The following PDE11A variants were observed in gnomAD, a reference collection of about 807,000 sequenced individuals.
PDE11A encodes the protein dual 3',5'-cyclic-AMP and -GMP phosphodiesterase 11A.
A neutral mutation model predicts 100.5 loss-of-function variants in PDE11A; 100 were observed. That is an observed-to-expected ratio of 1.00 (90% CI 0.85 to 1.18). The LOEUF (loss-of-function observed/expected upper bound fraction) is 1.18. Ranked by LOEUF, PDE11A falls within the 50% of genes most tolerant of loss-of-function variation. PDE11A has a pLI of 0.00. For missense variants in PDE11A, 1,141 were observed against 1,152.6 expected, an observed-to-expected ratio of 0.99 and a Z score of 0.15; for synonymous variants, 381 against 420.8, an observed-to-expected ratio of 0.91 and a Z score of 1.16.
At chr2:178,106,091 T>A (rs1221702026) in intron 1 of PDE11A, among the ~76,000 whole-genome samples, 1 of 152,228 alleles carries the variant, frequency 6.6e-6, no homozygotes, top group East Asian at 1.9e-4. Context: ...ATTCTGCCAA[T>A]ATTGAAGAAA....
intron 5 of PDE11A, among the ~76,000 whole-genome samples, chr2:177,847,990 TTG>T (rs749800668): frequency 1.9e-4 from 28 of 147,558 alleles, no homozygotes; most frequent in East Asian, 1.9e-4. Context: ...AATGGTGTGT[TTG>T]TGTGTGTGTG....
intron 2 of PDE11A, among the ~76,000 whole-genome samples, chr2:177,932,910 T>C (rs2085225712): frequency 6.6e-6 from 1 of 152,034 alleles, no homozygotes; most frequent in Non-Finnish European, 1.5e-5. Flanking sequence ...ATTCTATACT[T>C]AGACAATCCT....
chr2:178,095,122 T>A (rs1371074856), intron 2 of PDE11A, among the ~76,000 whole-genome samples: 1 of 151,874 alleles, frequency 6.6e-6, no homozygotes, highest in African/African-American at 2.4e-5. Context: ...TCCCCCAAAG[T>A]CTCAACTCAT....
At chr2:177,666,468 T>A (rs1011414316) in intron 18 of PDE11A, among the ~76,000 whole-genome samples, 5 of 152,228 alleles carry the variant, frequency 3.3e-5, no homozygotes, top group Non-Finnish European at 7.3e-5. Context: ...TTTGAGGAAT[T>A]GACAAACTGT....
intron 15 of PDE11A, among the ~76,000 whole-genome samples, chr2:177,681,137 T>C (rs2080856158): frequency 6.6e-6 from 1 of 152,154 alleles, no homozygotes; most frequent in Admixed American, 6.5e-5. Context: ...ACAGAGGAGA[T>C]TATAGAGCCA....
At chr2:177,933,518 TA>T (rs1239812272) in intron 2 of PDE11A, among the ~76,000 whole-genome samples, 1 of 151,882 alleles carries the variant, frequency 6.6e-6, no homozygotes, top group East Asian at 1.9e-4. Flanking sequence ...CCATCTCTAC[TA>T]AAAATACAAA....
intron 19 of PDE11A, among the ~76,000 whole-genome samples, chr2:177,637,976 CGTGT>C (rs2080071621): frequency 2.5e-5 from 2 of 79,822 alleles, no homozygotes; most frequent in East Asian, 7.3e-4. Context: ...TATATATACA[CGTGT>C]ATATATATAT....
intron 10 of PDE11A, among the ~76,000 whole-genome samples, chr2:177,738,690 C>T (rs974739166): frequency 6.6e-6 from 1 of 152,210 alleles, no homozygotes; most frequent in African/African-American, 2.4e-5. Context: ...ACCCTCCCTG[C>T]TGCAGCCTCA....
chr2:177,941,716 T>C (rs534863817), intron 2 of PDE11A, among the ~76,000 whole-genome samples: 2 of 152,142 alleles, frequency 1.3e-5, no homozygotes, highest in Non-Finnish European at 2.9e-5. Flanking sequence ...GGATTGGAGA[T>C]AGGGAAAAGT....
rs1202621664 is a variant in PDE11A, at chr2:178,096,712, A to G, written c.162+7590T>C. Reference sequence around the variant, plus strand: ...CTGATAAGTTCCTCATTTTCATCTGAGACCACCTCAGCCTGAACTTCATTG... The same window carrying G: ...CTGATAAGTTCCTCATTTTCATCTGGGACCACCTCAGCCTGAACTTCATTG... On this transcript the variant is annotated intron_variant, in intron 2 of 20. Transcript: ENST00000358450. Among the ~76,000 whole-genome samples, 2 of 152,176 alleles carry G rather than the reference A, an allele frequency of 1.3e-5. 1 individual carries two copies. The highest frequency in any genetic ancestry group is 2.9e-5 in the Non-Finnish European group (2 of 68,024).
chr2:178,102,905 A>T (rs1370359153), intron 2 of PDE11A, among the ~76,000 whole-genome samples: 2 of 152,182 alleles, frequency 1.3e-5, no homozygotes, highest in Admixed American at 1.3e-4. Flanking sequence ...TTAATCCAAT[A>T]TGATTGGTGT....
intron 10 of PDE11A, among the ~76,000 whole-genome samples, chr2:177,731,030 T>G (rs911813072): frequency 2.6e-5 from 4 of 152,224 alleles, no homozygotes; most frequent in Non-Finnish European, 4.4e-5. Context: ...AGTAGAATCA[T>G]GCAATATTCG....
intron 2 of PDE11A, among the ~76,000 whole-genome samples, chr2:177,941,842 C>T (rs2085349724): frequency 6.6e-6 from 1 of 152,172 alleles, no homozygotes; most frequent in East Asian, 1.9e-4. Context: ...GGCAGAAGCC[C>T]TGGATAACTT....
In PDE11A at chr2:177,763,062, C is replaced by A. The variant is rs180743436; in HGVS notation, c.1788+6261G>T. Among the ~76,000 whole-genome samples the A allele has an allele frequency of 3.3e-4, 50 of 152,342 alleles. 1 individual carries two copies. Among genetic ancestry groups the A allele is most frequent in the Admixed American group, 2.9e-3 (45 of 15,308 alleles). On this transcript the variant is annotated intron_variant, in intron 10 of 19. Transcript: ENST00000286063. ...TTGATTAAGACACAATTCATACAGACAGCCGGACATTTGAACGCGAAGCAC... is the reference window on the plus strand; with the variant it reads ...TTGATTAAGACACAATTCATACAGAAAGCCGGACATTTGAACGCGAAGCAC...
rs984208061 is a variant in PDE11A, at chr2:178,032,426, G to A, written c.913-17966C>T. ...TTGAACCCGGGAGGCAGAGGTTGCA[G>A]TGAACCAAGATCGCATCACCGCACT... On this transcript the variant is annotated intron_variant, in intron 1 of 19. Coordinates refer to ENST00000286063, the MANE Select transcript of PDE11A (RefSeq NM_016953.4). 5.3e-5 allele frequency among the ~76,000 whole-genome samples: 8 copies of A among 151,252 alleles called. No individual in the cohort carries two copies. In the East Asian group the frequency reaches 1.2e-3, roughly 22 times the overall value.
At chr2:177,766,398 C>T (rs375208216) in intron 10 of PDE11A, among the ~76,000 whole-genome samples, 8 of 152,096 alleles carry the variant, frequency 5.3e-5, no homozygotes, top group African/African-American at 1.9e-4. Context: ...GGGTTAAGGA[C>T]CCCTTCTTTA....
Position 177,893,098 on chromosome 2 carries a change from C to A in PDE11A, c.1302+4960G>T, listed in dbSNP as rs74987204. On this transcript the variant is annotated intron_variant, in intron 4 of 19. Transcript: ENST00000286063. ...AAGGTTAGGAAGACTGACAACCTCA[C>A]ATTTATTATTCTCCTCTCCACCTCT... 7.2e-3 allele frequency among the ~76,000 whole-genome samples: 1,097 copies of A among 152,246 alleles called. 14 individuals carry two copies. The highest frequency in any genetic ancestry group is 0.025 in the African/African-American group (1,021 of 41,530).
chr2:177,842,023 G>A (rs2083499516), intron 5 of PDE11A, among the ~76,000 whole-genome samples: 1 of 152,236 alleles, frequency 6.6e-6, no homozygotes, highest in Admixed American at 6.5e-5. Flanking sequence ...CTCACACAAA[G>A]ATCTAAATGA....
chr2:177,699,533 T>C (rs1343527026), intron 14 of PDE11A, among the ~76,000 whole-genome samples: 1 of 152,226 alleles, frequency 6.6e-6, no homozygotes, highest in African/African-American at 2.4e-5. Flanking sequence ...TTTCACGTTA[T>C]GTGCCTTAAC....
Sources: gnomAD v4.1 joint callset for allele counts (sites outside exome capture counted in the v4.1 genomes callset) on GRCh38, gnomAD v4.1.1 for gene constraint, MANE v1.5 for transcripts, NCBI Gene and HGNC (gene_info 2026-07-23, HGNC 2026-07-21) for gene names.